PHTF2: variants seen among roughly 807,000 people sequenced by gnomAD.
The protein encoded by PHTF2 is protein PHTF2.
In PHTF2, 60 loss-of-function variants were observed where a neutral mutation model predicts 101.2. The ratio of observed to expected loss-of-function variants is 0.59; its 90% CI spans 0.48 to 0.73. The LOEUF (loss-of-function observed/expected upper bound fraction) is 0.73, where lower values mean the gene tolerates loss of function less well. Ranked by LOEUF, PHTF2 falls within the 30% of genes least tolerant of loss-of-function variation. The pLI is 0.00. For missense variants in PHTF2, 747 were observed against 908.7 expected, an observed-to-expected ratio of 0.82 and a Z score of 2.29; for synonymous variants, 311 against 307.3, an observed-to-expected ratio of 1.01 and a Z score of -0.13.
intron 7 of PHTF2, chr7:77,906,479 TGTC>T (rs1801873075): frequency 6.6e-6 from 1 of 152,130 alleles, no homozygotes; most frequent in African/African-American, 2.4e-5. Flanking sequence ...TCTAATGCCT[TGTC>T]GTCAGAATTT....
intron 19 of PHTF2, among the ~76,000 whole-genome samples, chr7:77,954,612 G>GTGTGTGTATA (rs1426693429): frequency 2.3e-4 from 21 of 90,200 alleles, no homozygotes; most frequent in African/African-American, 6.6e-4. Context: ...CAAGTACTGT[G>GTGTGTGTATA]TATATATATA....
At chr7:77,940,767 C>A in intron 15 of PHTF2, 108 bp downstream of exon 14, 8 of 741,100 alleles carry the variant, frequency 1.1e-5, no homozygotes, top group Non-Finnish European at 1.4e-5. Context: ...CCAGCTTTTA[C>A]TCATTCAAAA....
intron 2 of PHTF2, among the ~76,000 whole-genome samples, chr7:77,850,499 AG>A (rs925667493): frequency 2.0e-5 from 3 of 151,454 alleles, no homozygotes; most frequent in Non-Finnish European, 4.4e-5. Flanking sequence ...AAAATAAGCC[AG>A]GCATGGTGGC....
intron 2 of PHTF2, among the ~76,000 whole-genome samples, chr7:77,848,752 T>C (rs181862748): frequency 6.6e-6 from 1 of 152,340 alleles, no homozygotes; most frequent in East Asian, 1.9e-4. Flanking sequence ...GCCTGTGCTT[T>C]GGTAGTATTA....
At chr7:77,941,841 T>C (rs1805663208) in intron 15 of PHTF2, among the ~76,000 whole-genome samples, 1 of 152,196 alleles carries the variant, frequency 6.6e-6, no homozygotes, top group South Asian at 2.1e-4. Flanking sequence ...CATTTAAAAA[T>C]GTATATTTGG....
intron 9 of PHTF2, among the ~76,000 whole-genome samples, chr7:77,915,112 G>A (rs748452162): frequency 4.6e-5 from 7 of 151,744 alleles, no homozygotes; most frequent in Non-Finnish European, 2.9e-5. Flanking sequence ...GGGTTTCACC[G>A]TGTTGGCTGG....
rs1282973055 is a variant in PHTF2 at position 77,913,259 on chromosome 7, G to T, written c.776+2850G>T. Among the ~76,000 whole-genome samples, 3 of 151,878 alleles carry T rather than the reference G, an allele frequency of 2.0e-5. No homozygotes were observed. The East Asian group carries it at 5.8e-4, about 30-fold the overall frequency. On this transcript the variant is annotated intron_variant, in intron 9 of 19. Coordinates refer to ENST00000416283, the Ensembl canonical transcript of PHTF2. ...AAAAATTAGCTGGGCGTGATAGTGGGTGCCTATAATCCCAGCTATTTGAGA... is the reference window on the plus strand; with the variant it reads ...AAAAATTAGCTGGGCGTGATAGTGGTTGCCTATAATCCCAGCTATTTGAGA...
chr7:77,932,609 AGAGAGAGAGAGAGT>A (rs1562962232), intron 12 of PHTF2, among the ~76,000 whole-genome samples: 2 of 100,164 alleles, frequency 2.0e-5, no homozygotes, highest in South Asian at 3.1e-4. Context: ...AGAAAGAGAG[AGAGAGAGAGAGAGT>A]GTGTGTGTGT....
At chr7:77,856,851 A>G (rs1208687965) in intron 3 of PHTF2, among the ~76,000 whole-genome samples, 5 of 152,180 alleles carry the variant, frequency 3.3e-5, no homozygotes, top group Admixed American at 6.5e-5. Flanking sequence ...GGACTTGAGC[A>G]TTCATGGATT....
intron 5 of PHTF2, among the ~76,000 whole-genome samples, chr7:77,897,568 A>G (rs1314281969): frequency 6.6e-6 from 1 of 151,982 alleles, no homozygotes; most frequent in Non-Finnish European, 1.5e-5. Flanking sequence ...GTTCATTTAA[A>G]CTGTTTAACA....
intron 1 of PHTF2, among the ~76,000 whole-genome samples, chr7:77,803,207 A>G (rs969805721): frequency 2.6e-5 from 4 of 152,176 alleles, no homozygotes; most frequent in Admixed American, 6.5e-5. Context: ...CTACCTGATA[A>G]TAATCATAAC....
At chr7:77,873,333 G>A (rs955615400) in intron 3 of PHTF2, among the ~76,000 whole-genome samples, 18 of 152,080 alleles carry the variant, frequency 1.2e-4, no homozygotes, top group African/African-American at 4.8e-5. Flanking sequence ...TCCTTCCGCC[G>A]TTATCCCACA....
At chr7:77,855,951 A>T (rs368298735) in intron 3 of PHTF2, among the ~76,000 whole-genome samples, 1 of 152,164 alleles carries the variant, frequency 6.6e-6, no homozygotes, top group African/African-American at 2.4e-5. Flanking sequence ...TACTTTGTTT[A>T]CTCACCTGAT....
chr7:77,849,934 G>C (rs1009456146), intron 2 of PHTF2, among the ~76,000 whole-genome samples: 1 of 152,142 alleles, frequency 6.6e-6, no homozygotes, highest in Non-Finnish European at 1.5e-5. Context: ...CCAAGTAAAA[G>C]ATCATATCAT....
At chr7:77,822,878 C>T (rs1336069464) in intron 1 of PHTF2, among the ~76,000 whole-genome samples, 2 of 151,704 alleles carry the variant, frequency 1.3e-5, no homozygotes, top group South Asian at 2.1e-4. Flanking sequence ...ATTGATGTCA[C>T]CCTCTGAAAT....
At chr7:77,812,084 A>T (rs1008841344) in intron 1 of PHTF2, among the ~76,000 whole-genome samples, 1 of 152,230 alleles carries the variant, frequency 6.6e-6, no homozygotes, top group Non-Finnish European at 1.5e-5. Context: ...TCCAGGAATT[A>T]CTTAGATCTT....
chr7:77,891,666 A>C (rs775667419), intron 3 of PHTF2, among the ~76,000 whole-genome samples: 3 of 152,024 alleles, frequency 2.0e-5, no homozygotes, highest in Non-Finnish European at 4.4e-5. Flanking sequence ...GGCTCACTGC[A>C]GCCTCAACCT....
At chr7:77,932,229 T>C (rs1461050490) in intron 12 of PHTF2, among the ~76,000 whole-genome samples, 1 of 152,080 alleles carries the variant, frequency 6.6e-6, no homozygotes, top group African/African-American at 2.4e-5. Flanking sequence ...AACATTGATA[T>C]ATACAGGAGA....
intron 1 of PHTF2, among the ~76,000 whole-genome samples, chr7:77,838,092 A>G (rs1795607529): frequency 6.6e-6 from 1 of 152,204 alleles, no homozygotes. Context: ...TCTGGAAAGC[A>G]TTCACAGTTG....
Sources: gnomAD v4.1 joint callset for allele counts (sites outside exome capture counted in the v4.1 genomes callset) on GRCh38, gnomAD v4.1.1 for gene constraint, MANE v1.5 for transcripts, NCBI Gene and HGNC (gene_info 2026-07-23, HGNC 2026-07-21) for gene names.